Variants in ATP8A2 observed in about 807,000 individuals in gnomAD.
The protein encoded by ATP8A2 is ATPase phospholipid transporting 8A2, also known as phospholipid-transporting ATPase IB.
In ATP8A2, 100 loss-of-function variants were observed where a neutral mutation model predicts 165.6. The observed-to-expected ratio is 0.60, with a 90% CI of 0.51 to 0.71. ATP8A2 has a LOEUF of 0.71. ATP8A2 is among the 30% of genes least tolerant of loss of function. ATP8A2 has a pLI of 0.00. For synonymous variants in ATP8A2, 543 were observed against 548.8 expected (o/e 0.99, Z 0.15); for missense variants, 1,227 against 1,479.5 (o/e 0.83, Z 2.80).
rs577245325 is a variant in ATP8A2, at chr13:25,565,158, A to T, written c.1473+1127A>T. Among the ~76,000 whole-genome samples the T allele has an allele frequency of 3.3e-5, 5 of 152,048 alleles. 1 individual carries two copies. The highest frequency in any genetic ancestry group is 7.4e-5 in the Non-Finnish European group (5 of 68,006). On this transcript the variant is annotated intron_variant, in intron 16 of 36. Coordinates refer to ENST00000381655, the MANE Select transcript of ATP8A2 (RefSeq NM_016529.6). ...TTTATCCACTCATTGATTGATGGGC[A>T]TTTGGGTTGGTTCCACAATTCACAG...
At chr13:25,450,554 C>A (rs545152715) in intron 1 of ATP8A2, among the ~76,000 whole-genome samples, 1 of 151,438 alleles carries the variant, frequency 6.6e-6, no homozygotes, top group Non-Finnish European at 1.5e-5. Context: ...GTGTGTGAGA[C>A]GGAGTCTCGC....
chr13:25,828,032 G>A (rs1951364441), intron 27 of ATP8A2, 86 bp from the exon 28 acceptor site: 1 of 1,011,518 alleles, frequency 9.9e-7, no homozygotes, highest in Non-Finnish European at 1.6e-6. Context: ...TCCAGCTGGT[G>A]GTCCACATTC....
At chr13:25,604,486 A>G (rs1243262426) in intron 24 of ATP8A2, among the ~76,000 whole-genome samples, 1 of 152,234 alleles carries the variant, frequency 6.6e-6, no homozygotes, top group African/African-American at 2.4e-5. Context: ...GGATTTCCCT[A>G]TCATGGTGAG....
At chr13:25,842,909 G>A (rs1247701284) in intron 30 of ATP8A2, among the ~76,000 whole-genome samples, 1 of 152,178 alleles carries the variant, frequency 6.6e-6, no homozygotes, top group Non-Finnish European at 1.5e-5. Context: ...CTTGTAAGGT[G>A]AGCGGTAGAA....
chr13:25,379,696 AGTG>A (rs1486653108), intron 1 of ATP8A2, among the ~76,000 whole-genome samples: 2 of 152,198 alleles, frequency 1.3e-5, no homozygotes, highest in African/African-American at 4.8e-5. Flanking sequence ...TAGCAAACTA[AGTG>A]GTCTTCTGGG....
Position 25,639,507 on chromosome 13 carries a change from G to A in ATP8A2, c.2211+49808G>A, listed in dbSNP as rs549709446. Among the ~76,000 whole-genome samples the A allele has an allele frequency of 5.9e-3, 896 of 152,226 alleles. 10 individuals are homozygous for A. The highest frequency in any genetic ancestry group is 0.02 in the African/African-American group (836 of 41,526). ...AATGAAGATCGAAAGAGACAAAGAA[G>A]GCCATTGCATAATGGCAAAGGGATC... On this transcript the variant is annotated intron_variant, in intron 24 of 36. Coordinates refer to ENST00000381655, the MANE Select transcript of ATP8A2 (RefSeq NM_016529.6).
intron 33 of ATP8A2, among the ~76,000 whole-genome samples, chr13:25,899,987 G>A (rs1953685685): frequency 1.3e-5 from 2 of 152,152 alleles, no homozygotes; most frequent in African/African-American, 2.4e-5. Flanking sequence ...AGCTGTGTTC[G>A]AGGATGCTGG....
intron 25 of ATP8A2, among the ~76,000 whole-genome samples, chr13:25,751,981 A>G (rs1248510398): frequency 2.0e-5 from 3 of 151,240 alleles, no homozygotes; most frequent in South Asian, 2.1e-4. Flanking sequence ...TCATTCAACA[A>G]TAGGTAGTGA....
intron 33 of ATP8A2, among the ~76,000 whole-genome samples, chr13:25,902,025 A>G (rs1953764668): frequency 6.6e-6 from 1 of 152,220 alleles, no homozygotes; most frequent in African/African-American, 2.4e-5. Context: ...TATATTCGGG[A>G]TCCATTAAGT....
intron 33 of ATP8A2, among the ~76,000 whole-genome samples, chr13:25,871,686 G>C (rs1204450948): frequency 6.6e-6 from 1 of 152,124 alleles, no homozygotes; most frequent in East Asian, 1.9e-4. Flanking sequence ...AGTGACTATT[G>C]CTTACATCAT....
intron 25 of ATP8A2, among the ~76,000 whole-genome samples, chr13:25,766,458 T>C (rs976887002): frequency 1.3e-5 from 2 of 152,210 alleles, no homozygotes; most frequent in South Asian, 2.1e-4. Context: ...CATGTGGTGA[T>C]GTACCTGTTT....
chr13:25,424,432 G>A (rs1302920499), intron 1 of ATP8A2, among the ~76,000 whole-genome samples: 1 of 152,168 alleles, frequency 6.6e-6, no homozygotes, highest in Non-Finnish European at 1.5e-5. Flanking sequence ...ATAGGAGGAA[G>A]TTAATTGGTG....
intron 1 of ATP8A2, among the ~76,000 whole-genome samples, chr13:25,432,675 T>C (rs1365665244): frequency 6.6e-6 from 1 of 150,636 alleles, no homozygotes; most frequent in Non-Finnish European, 1.5e-5. Context: ...TTTTTTTTTT[T>C]CTGCAGATGA....
intron 24 of ATP8A2, among the ~76,000 whole-genome samples, chr13:25,643,635 G>C (rs2041594430): frequency 6.6e-6 from 1 of 151,938 alleles, no homozygotes; most frequent in Admixed American, 6.6e-5. Flanking sequence ...TTTTGTGTGA[G>C]TATCATGTTG....
chr13:25,893,679 T>C (rs1383873450), intron 33 of ATP8A2, among the ~76,000 whole-genome samples: 1 of 152,202 alleles, frequency 6.6e-6, no homozygotes, highest in Non-Finnish European at 1.5e-5. Flanking sequence ...AGTGTAAAAG[T>C]GTTCCTATTT....
In ATP8A2 at chr13:25,661,219, C is replaced by T. The variant is rs763746544; in HGVS notation, c.2212-37954C>T. On this transcript the variant is annotated intron_variant, in intron 24 of 36. Coordinates refer to ENST00000381655, the MANE Select transcript of ATP8A2 (RefSeq NM_016529.6). ...CACAGCCTGGCCTGCCTATCAGATA[C>T]GGACCACAGGAACCATCTGTTCTAC... Among the ~76,000 whole-genome samples, 7 of 152,158 alleles carry T rather than the reference C, an allele frequency of 4.6e-5. No individual in the cohort carries two copies. The East Asian group carries it at 1.3e-3, about 29-fold the overall frequency.
At chr13:25,803,054 C>T (rs954979154) in intron 27 of ATP8A2, among the ~76,000 whole-genome samples, 1 of 151,336 alleles carries the variant, frequency 6.6e-6, no homozygotes, top group African/African-American at 2.4e-5. Flanking sequence ...ACTCAAATTG[C>T]CTTGTAATTT....
chr13:25,827,442 A>G (rs1951351419), intron 27 of ATP8A2, among the ~76,000 whole-genome samples: 1 of 152,156 alleles, frequency 6.6e-6, no homozygotes, highest in East Asian at 1.9e-4. Flanking sequence ...TGTCATGTAC[A>G]CTAATTATAT....
chr13:25,804,851 G>A (rs554428766), intron 27 of ATP8A2, among the ~76,000 whole-genome samples: 1 of 152,156 alleles, frequency 6.6e-6, no homozygotes. Context: ...ATCAAGAAAA[G>A]GTAGAAGCTA....
Sources: gnomAD v4.1 joint callset for allele counts (sites outside exome capture counted in the v4.1 genomes callset) on GRCh38, gnomAD v4.1.1 for gene constraint, MANE v1.5 for transcripts, NCBI Gene and HGNC (gene_info 2026-07-23, HGNC 2026-07-21) for gene names.